The following DIS3 variants were observed in gnomAD, a reference collection of about 807,000 sequenced individuals.
DIS3 encodes DIS3 exosome endoribonuclease and 3'-5' exoribonuclease.
Under a neutral mutation model 113.0 loss-of-function variants are expected in DIS3, and 103 were observed. The observed-to-expected ratio is 0.91, with a 90% CI of 0.78 to 1.07. The LOEUF (loss-of-function observed/expected upper bound fraction) is 1.07. DIS3 is among the 50% of genes least tolerant of loss of function. DIS3 has a pLI of 0.00. For synonymous variants in DIS3, 402 were observed against 394.3 expected, an observed-to-expected ratio of 1.02 and a Z score of -0.23; for missense variants, 1,121 against 1,167.1, an observed-to-expected ratio of 0.96 and a Z score of 0.58.
In DIS3 at chr13:72,755,966, A is replaced by G. The variant is rs1298112248; in HGVS notation, c.*3829T>C. 1 of 398,470 alleles carries G rather than the reference A, an allele frequency of 2.5e-6. No individual in the cohort carries two copies. The highest frequency in any genetic ancestry group is 4.4e-6 in the Non-Finnish European group (1 of 226,070). The allele number at this position is 398,470 out of a possible 1,614,324, so 24.7% of individuals were successfully genotyped here. A position where few individuals can be genotyped will look rare whatever the true frequency, so the allele number is the denominator to read the frequency against. On this transcript the variant is annotated 3_prime_UTR_variant, in exon 21 of 21. Transcript: ENST00000377767. ...AAGAATGTGGGAGAACCAAGAGAAA[A>G]AGTGGGGCTGGGAGAGTGGAGTTCC... is the stretch of plus-strand genomic sequence containing the variant.
rs1237333658 is a variant in DIS3 at position 72,757,326 on chromosome 13, T to A, written c.*2469A>T. ...GTGCAGTGGCGCGATCTTGGCTCACTGCAACCTCTGCCTCCCAGGTTCAAG... is the reference window on the plus strand; with the variant it reads ...GTGCAGTGGCGCGATCTTGGCTCACAGCAACCTCTGCCTCCCAGGTTCAAG... On this transcript the variant is annotated 3_prime_UTR_variant, in exon 21 of 21. Coordinates refer to ENST00000377767, the MANE Select transcript of DIS3 (RefSeq NM_014953.5). The A allele has an allele frequency of 6.6e-6, 1 of 151,940 alleles. No homozygotes were observed. Among genetic ancestry groups the A allele is most frequent in the African/African-American group, 2.4e-5 (1 of 41,134 alleles). 9.4% of individuals were successfully genotyped at this position (151,940 alleles called of 1,614,324 possible).
rs372597234 is a variant in DIS3, at chr13:72,781,514, C to A, written c.228+91G>T. 433 of 1,442,332 alleles carry A rather than the reference C, an allele frequency of 3.0e-4. 5 individuals are homozygous for A. In the African/African-American group the frequency reaches 5.3e-3, roughly 18 times the overall value. The allele number at this position is 1,442,332 out of a possible 1,614,324, so 89.3% of individuals were successfully genotyped here. A position where few individuals can be genotyped will look rare whatever the true frequency, so the allele number is the denominator to read the frequency against. ...CCCTTTCGCTAGGTATGTGACACTG[C>A]CAAAGACCCGCCTCCCTGGGCCTCA... On this transcript the variant is annotated intron_variant, in intron 1 of 20. Transcript: ENST00000377767.
Position 72,755,442 on chromosome 13 carries a change from T to C in DIS3, c.*4353A>G. 2.0e-6 allele frequency: 1 copy of C among 504,560 alleles called. No homozygotes were observed. The highest frequency in any genetic ancestry group is 3.3e-5 in the East Asian group (1 of 30,046). The allele number at this position is 504,560 out of a possible 1,614,324, so 31.3% of individuals were successfully genotyped here. A position where few individuals can be genotyped will look rare whatever the true frequency, so the allele number is the denominator to read the frequency against. On this transcript the variant is annotated 3_prime_UTR_variant, in exon 21 of 21. Transcript: ENST00000377767. ...TTTATTTTTTATCAATAAATATTTT[T>C]ATACTTACATTGAGTGATGTGTTTA...
chr13:72,761,530 T>C lies in DIS3; in HGVS notation c.2512-9A>G. On this transcript the variant is annotated splice_polypyrimidine_tract_variant and intron_variant, in intron 18 of 20. Transcript: ENST00000377767. ...TTGCTTTTGAAGAATAACTGTAAAA[T>C]AACATACAACTTATTTAAATTGTCT... 1 of 1,562,686 alleles carries C rather than the reference T, an allele frequency of 6.4e-7. No individual in the cohort carries two copies. The highest frequency in any genetic ancestry group is 8.6e-7 in the Non-Finnish European group (1 of 1,160,424).
Position 72,757,871 on chromosome 13 carries a change from G to C in DIS3, c.*1924C>G, listed in dbSNP as rs1305613334. Reference sequence around the variant, plus strand: ...ATGATGATCCCGTAAGATTACAATGGAGCTGAAAAATTCCTATTGCCTGGG... The same window carrying C: ...ATGATGATCCCGTAAGATTACAATGCAGCTGAAAAATTCCTATTGCCTGGG... On this transcript the variant is annotated 3_prime_UTR_variant, in exon 21 of 21. Coordinates refer to ENST00000377767, the MANE Select transcript of DIS3 (RefSeq NM_014953.5). The C allele has an allele frequency of 5.8e-5, 12 of 206,956 alleles. No homozygotes were observed. Among genetic ancestry groups the C allele is most frequent in the African/African-American group, 2.5e-4 (11 of 43,834 alleles). 12.8% of individuals were successfully genotyped at this position (206,956 alleles called of 1,614,324 possible). A position where few individuals can be genotyped will look rare whatever the true frequency, so the allele number is the denominator to read the frequency against.
Position 72,756,294 on chromosome 13 carries a change from C to CT in DIS3, c.*3500_*3501insA. On this transcript the variant is annotated 3_prime_UTR_variant, in exon 21 of 21. Transcript: ENST00000377767. ...TTATGTACCTGGCTCATCTTCAACA[C>CT]ACTAACCATGAACACTAATAGCCAT... 5.4e-6 allele frequency: 1 copy of CT among 184,772 alleles called. No homozygotes were observed. Among genetic ancestry groups the CT allele is most frequent in the Non-Finnish European group, 1.1e-5 (1 of 90,424 alleles). 11.4% of individuals were successfully genotyped at this position (184,772 alleles called of 1,614,324 possible). A position where few individuals can be genotyped will look rare whatever the true frequency, so the allele number is the denominator to read the frequency against.
chr13:72,760,277 T>C (rs1298459141), intron 20 of DIS3, among the ~76,000 whole-genome samples: 1 of 152,122 alleles, frequency 6.6e-6, no homozygotes, highest in Non-Finnish European at 1.5e-5. Context: ...AACTTCTAGA[T>C]AGAAAAGACT....
intron 9 of DIS3, 47 bp from the exon 10 acceptor site, chr13:72,772,322 A>ACTACAACATATTAATAGCT (rs2033905481): frequency 1.5e-6 from 2 of 1,370,382 alleles, no homozygotes; most frequent in Non-Finnish European, 2.0e-6. Flanking sequence ...CCAAAGCACA[A>ACTACAACATATTAATAGCT]CTACAACATA....
intron 10 of DIS3, 68 bp from the exon 11 acceptor site, chr13:72,771,964 A>T: frequency 6.6e-7 from 1 of 1,524,366 alleles, no homozygotes; most frequent in East Asian, 2.3e-5. Flanking sequence ...TGGAGTTTTA[A>T]TAAGATAAAG....
At chr13:72,761,574 C>G in intron 18 of DIS3, 53 bp from the exon 19 acceptor site, 1 of 1,520,186 alleles carries the variant, frequency 6.6e-7, no homozygotes, top group South Asian at 1.3e-5. Flanking sequence ...TTTAAATAAA[C>G]AAAAAATTGA....
At position 72,761,951 on chromosome 13, in the gene DIS3, A is replaced by G. The variant is rs751086998; in HGVS notation, c.2314T>C (p.Tyr772His). ...FHHYGLASPI[Y>H]THFTSPIRRY... ...CTAATGGGTGAAGTAAAATGTGTGT[A>G]TATTGGAGACGCTAAGCCATAGTGA... Residue 772 changes from tyrosine (Y) to histidine (H), a missense_variant, in exon 17 of 21, where the codon TAC becomes CAC. Transcript: ENST00000377767. 3 of 1,614,196 alleles carry G rather than the reference A, an allele frequency of 1.9e-6. No homozygotes were observed. Among genetic ancestry groups the G allele is most frequent in the Non-Finnish European group, 1.7e-6 (2 of 1,180,046 alleles).
At chr13:72,768,989 C>T (rs1432891983) in intron 13 of DIS3, 77 bp from the exon 14 acceptor site, 24 of 923,120 alleles carry the variant, frequency 2.6e-5, no homozygotes, top group Non-Finnish European at 1.6e-6. Context: ...CCTACTTTCA[C>T]TACATAAAAT....
chr13:72,781,265 A>G, intron 1 of DIS3: 6 of 1,550,946 alleles, frequency 3.9e-6, no homozygotes, highest in Non-Finnish European at 5.2e-6. Flanking sequence ...TGGCCCACAT[A>G]GTTTTTTGTT....
chr13:72,771,222 C>A, intron 11 of DIS3, 77 bp from the exon 12 acceptor site: 2 of 1,157,454 alleles, frequency 1.7e-6, no homozygotes, highest in South Asian at 1.4e-5. Flanking sequence ...TCTCAAATAA[C>A]ATTAATTAAA....
In DIS3 at chr13:72,761,561, A is replaced by C. The variant is rs768663157; in HGVS notation, c.2512-40T>G. 3.3e-6 allele frequency: 5 copies of C among 1,528,852 alleles called. No homozygotes were observed. The South Asian group carries it at 6.4e-5, about 20-fold the overall frequency. 94.7% of individuals were successfully genotyped at this position (1,528,852 alleles called of 1,614,324 possible). Reference sequence around the variant, plus strand: ...ACAACTTATTTAAATTGTCTTAAAAATTTTTAAATAAACAAAAAATTGAAA... The same window carrying C: ...ACAACTTATTTAAATTGTCTTAAAACTTTTTAAATAAACAAAAAATTGAAA... On this transcript the variant is annotated intron_variant, in intron 18 of 20. Coordinates refer to ENST00000377767, the MANE Select transcript of DIS3 (RefSeq NM_014953.5).
In DIS3 at chr13:72,781,612, A is replaced by T; in HGVS notation, c.221T>A (p.Leu74Gln). 1.3e-6 allele frequency: 2 copies of T among 1,521,652 alleles called. No individual in the cohort carries two copies. Among genetic ancestry groups the T allele is most frequent in the South Asian group, 2.5e-5 (2 of 81,222 alleles). 94.3% of individuals were successfully genotyped at this position (1,521,652 alleles called of 1,614,324 possible). A position where few individuals can be genotyped will look rare whatever the true frequency, so the allele number is the denominator to read the frequency against. The change falls in exon 1 of 21, where the codon CTG becomes CAG. Residue 74 changes from leucine to glutamine, a missense_variant. This residue lies in a region of DIS3 where 254 missense variants were observed against 232.2 expected (regional missense o/e 1.09). Transcript: ENST00000377767. ...GTTCGCCCGCCCACGCACCTGGTGC[A>T]GTAACACATTAGTGTCGGGCAGCAA... ...HYLLPDTNVLLHQIDVLEDPA... is the reference protein window; with the variant it reads ...HYLLPDTNVLQHQIDVLEDPA...
intron 2 of DIS3, among the ~76,000 whole-genome samples, chr13:72,780,528 T>G (rs1246164919): frequency 6.6e-6 from 1 of 152,072 alleles, no homozygotes; most frequent in East Asian, 1.9e-4. Context: ...TCCAGGAACT[T>G]AAGCAAATCT....
At position 72,781,821 on chromosome 13, in the gene DIS3, G is replaced by C; in HGVS notation, c.12C>G (p.Ser4=). 6.3e-7 allele frequency: 1 copy of C among 1,590,516 alleles called. No individual in the cohort carries two copies. Among genetic ancestry groups the C allele is most frequent in the Non-Finnish European group, 8.6e-7 (1 of 1,166,328 alleles). ...CCCGGGTCTTTTTTAAGAACGTCTT[G>C]GACTTGAGCATCTTGCCTCGCCGCG... MLK[S]KTFLKKTRAG... Residue 4 remains serine, a synonymous_variant, in exon 1 of 21, where the codon TCC becomes TCG. Transcript: ENST00000377767.
chr13:72,778,117 C>T (rs1394028431), intron 3 of DIS3, 70 bp downstream of exon 3: 1 of 1,313,978 alleles, frequency 7.6e-7, no homozygotes, highest in Non-Finnish European at 1.0e-6. Context: ...GAACATCTGA[C>T]TATAGGCCTA....
Sources: allele counts gnomAD v4.1 joint callset (sites outside exome capture counted in the v4.1 genomes callset), GRCh38; gene constraint gnomAD v4.1.1; regional missense constraint gnomAD v4.1.1; transcripts MANE v1.5; gene names NCBI Gene and HGNC (gene_info 2026-07-23, HGNC 2026-07-21).